The following GALK2 variants were observed in gnomAD, a reference collection of about 807,000 sequenced individuals.
GALK2 encodes the protein galactokinase 2, also known as N-acetylgalactosamine kinase.
GALK2 carries 36 observed loss-of-function variants against 52.4 expected under a neutral mutation model. That is an observed-to-expected ratio of 0.69 (90% CI 0.53 to 0.91). The LOEUF (loss-of-function observed/expected upper bound fraction) is 0.91. GALK2 is among the 40% of genes least tolerant of loss of function. GALK2 has a pLI of 0.00. For synonymous variants in GALK2, 176 were observed against 199.1 expected (o/e 0.88, Z 0.98); for missense variants, 579 against 559.1 (o/e 1.04, Z -0.36).
At chr15:49,201,033 T>G (rs951528421) in intron 1 of GALK2, 129 bp from the exon 2 acceptor site, 2 of 466,188 alleles carry the variant, frequency 4.3e-6, no homozygotes, top group East Asian at 3.4e-5. Flanking sequence ...AAGGAATAAT[T>G]AATGGTGGCA....
intron 5 of GALK2, among the ~76,000 whole-genome samples, chr15:49,256,740 C>G (rs1377143417): frequency 6.6e-6 from 1 of 152,130 alleles, no homozygotes; most frequent in Non-Finnish European, 1.5e-5. Context: ...CTTTTAACTT[C>G]ACTATAGCGC....
intron 8 of GALK2, among the ~76,000 whole-genome samples, chr15:49,315,832 T>C (rs558862037): frequency 6.6e-5 from 10 of 152,180 alleles, no homozygotes; most frequent in Non-Finnish European, 1.5e-4. Flanking sequence ...GTTCTGGTAG[T>C]CTGCAGGGTG....
chr15:49,269,098 G>T (rs899883134), intron 5 of GALK2, among the ~76,000 whole-genome samples: 6 of 152,186 alleles, frequency 3.9e-5, no homozygotes, highest in Non-Finnish European at 8.8e-5. Context: ...ATTTTTCAAA[G>T]GATAGGTTTT....
At chr15:49,363,632 T>C (rs1161128883) in intron 3 of GALK2, among the ~76,000 whole-genome samples, 1 of 152,200 alleles carries the variant, frequency 6.6e-6, no homozygotes, top group African/African-American at 2.4e-5. Flanking sequence ...TCTTGTCTGA[T>C]TGCTCTGGCC....
chr15:49,207,948 C>T (rs1595668765), intron 2 of GALK2, among the ~76,000 whole-genome samples: 1 of 151,780 alleles, frequency 6.6e-6, no homozygotes, highest in Non-Finnish European at 1.5e-5. Flanking sequence ...AATTTTTGTA[C>T]TTTTAGTAGA....
chr15:49,265,505 C>G (rs886529309), intron 5 of GALK2, among the ~76,000 whole-genome samples: 1 of 152,232 alleles, frequency 6.6e-6, no homozygotes, highest in African/African-American at 2.4e-5. Context: ...AAGGGAACTC[C>G]CTGACCCGTT....
At chr15:49,233,528 C>G (rs538005099) in intron 3 of GALK2, among the ~76,000 whole-genome samples, 4 of 152,322 alleles carry the variant, frequency 2.6e-5, no homozygotes, top group African/African-American at 9.6e-5. Flanking sequence ...TGCCTACCCC[C>G]TCTGTTCATA....
intron 3 of GALK2, chr15:49,367,357 C>T (rs568131911): frequency 1.7e-6 from 2 of 1,144,392 alleles, no homozygotes; most frequent in East Asian, 2.6e-5. Flanking sequence ...AACATGCATT[C>T]AATTTGTTTC....
chr15:49,217,116 T>C, intron 2 of GALK2, 74 bp from the exon 3 acceptor site: 1 of 1,366,488 alleles, frequency 7.3e-7, no homozygotes, highest in South Asian at 1.3e-5. Context: ...AGTTTTTTCC[T>C]GTATGTAAAC....
chr15:49,179,652 C>CTT (rs71875041), intron 1 of GALK2, among the ~76,000 whole-genome samples: 49 of 138,174 alleles, frequency 3.5e-4, no homozygotes, highest in African/African-American at 1.1e-3. Context: ...TTGTTTCTTT[C>CTT]TTTTTTTTTT....
At chr15:49,297,776 G>A (rs1206811271) in intron 8 of GALK2, among the ~76,000 whole-genome samples, 1 of 152,052 alleles carries the variant, frequency 6.6e-6, no homozygotes, top group African/African-American at 2.4e-5. Flanking sequence ...CTATTCTGTT[G>A]CATCAGTCTA....
At chr15:49,338,181 A>G (rs866880270) in intron 3 of GALK2, among the ~76,000 whole-genome samples, 25 of 152,274 alleles carry the variant, frequency 1.6e-4, no homozygotes, top group Middle Eastern at 3.4e-3. Flanking sequence ...TTATGATGCT[A>G]TCTGGTTGTT....
At chr15:49,256,209 T>C (rs1354721383) in intron 5 of GALK2, among the ~76,000 whole-genome samples, 1 of 152,168 alleles carries the variant, frequency 6.6e-6, no homozygotes, top group South Asian at 2.1e-4. Context: ...TTAAGGGGTT[T>C]ATGCTACACA....
At chr15:49,293,791 A>G (rs555361090) in intron 8 of GALK2, among the ~76,000 whole-genome samples, 4 of 152,226 alleles carry the variant, frequency 2.6e-5, no homozygotes, top group South Asian at 4.1e-4. Flanking sequence ...GGGAGACCAG[A>G]AAACAAAGAA....
chr15:49,293,607 G>A (rs1343660262), intron 8 of GALK2, among the ~76,000 whole-genome samples: 1 of 152,200 alleles, frequency 6.6e-6, no homozygotes, highest in Non-Finnish European at 1.5e-5. Flanking sequence ...GAAAATGTTT[G>A]CTGGCTCTCG....
intron 2 of GALK2, among the ~76,000 whole-genome samples, chr15:49,211,085 C>A (rs1401401408): frequency 3.3e-5 from 5 of 151,744 alleles, no homozygotes; most frequent in African/African-American, 7.3e-5. Context: ...AATATAAATT[C>A]CAGTTTCAGG....
At chr15:49,289,557 G>A (rs2033723187) in intron 7 of GALK2, among the ~76,000 whole-genome samples, 1 of 152,194 alleles carries the variant, frequency 6.6e-6, no homozygotes, top group South Asian at 2.1e-4. Context: ...ATATCCTTGA[G>A]AGCCACCTCA....
rs112263444 is a variant in GALK2 at position 49,252,214 on chromosome 15, C to T, written c.504+12847C>T. 4.1e-4 allele frequency among the ~76,000 whole-genome samples: 62 copies of T among 152,164 alleles called. No individual in the cohort carries two copies. In the East Asian group the frequency reaches 7.1e-3, roughly 18 times the overall value. On this transcript the variant is annotated intron_variant, in intron 5 of 9. Transcript: ENST00000560031. The stretch of plus-strand genomic sequence containing the variant: ...CCGGGAGGCAGAGGTTGCAGTGAGG[C>T]GAGATCGCACCATTGCACTCCAGTC...
intron 9 of GALK2, among the ~76,000 whole-genome samples, chr15:49,325,542 T>C (rs1164472707): frequency 6.6e-6 from 1 of 152,264 alleles, no homozygotes; most frequent in Non-Finnish European, 1.5e-5. Flanking sequence ...CTATGGCATA[T>C]GCCAAAGGGC....
Sources: gnomAD v4.1 joint callset for allele counts (sites outside exome capture counted in the v4.1 genomes callset) on GRCh38, gnomAD v4.1.1 for gene constraint, MANE v1.5 for transcripts, NCBI Gene and HGNC (gene_info 2026-07-23, HGNC 2026-07-21) for gene names.